Variants in TIAM2 observed in about 807,000 individuals in gnomAD.
TIAM2 encodes the protein TIAM Rac1 associated GEF 2.
In TIAM2, 80 loss-of-function variants were observed where a neutral mutation model predicts 152.9. That is an observed-to-expected ratio of 0.52 (90% CI 0.44 to 0.63). The LOEUF is 0.63. TIAM2 is among the 30% of genes least tolerant of loss of function. The pLI, the probability that TIAM2 is intolerant of heterozygous loss-of-function variation, is 0.00. For missense variants in TIAM2, 1,965 were observed against 2,120.1 expected, an observed-to-expected ratio of 0.93 and a Z score of 1.44; for synonymous variants, 804 against 838.0, an observed-to-expected ratio of 0.96 and a Z score of 0.70.
chr6:155,251,054 A>AC (rs1034037553), intron 22 of TIAM2, 33 bp downstream of exon 22: 4 of 1,589,212 alleles, frequency 2.5e-6, no homozygotes, highest in Middle Eastern at 1.7e-4. Context: ...TGCAGACTGA[A>AC]CAGAGGCTGG....
intron 1 of TIAM2, among the ~76,000 whole-genome samples, chr6:155,057,154 G>A (rs1306004910): frequency 6.7e-6 from 1 of 149,150 alleles, no homozygotes; most frequent in Non-Finnish European, 1.5e-5. Context: ...TCAGCCTCCT[G>A]AGTAGCTGGG....
At chr6:155,084,848 C>T (rs946548175) in intron 1 of TIAM2, among the ~76,000 whole-genome samples, 1 of 152,098 alleles carries the variant, frequency 6.6e-6, no homozygotes, top group Non-Finnish European at 1.5e-5. Context: ...GTTCTTTGTG[C>T]AGGAACAGTG....
chr6:155,252,764 T>C (rs1015054284), intron 23 of TIAM2, among the ~76,000 whole-genome samples, 184 bp from the exon 24 acceptor site: 1 of 152,204 alleles, frequency 6.6e-6, no homozygotes, highest in East Asian at 1.9e-4. Context: ...CCTCCGCACC[T>C]TCCCTAGCAT....
chr6:155,019,937 C>T (rs182951739), intron 1 of TIAM2, among the ~76,000 whole-genome samples: 20 of 152,218 alleles, frequency 1.3e-4, no homozygotes, highest in South Asian at 4.1e-4. Flanking sequence ...CCTGTAGTCC[C>T]GGCTACTTGG....
At chr6:155,209,703 G>T (rs535344232) in intron 14 of TIAM2, among the ~76,000 whole-genome samples, 1 of 152,354 alleles carries the variant, frequency 6.6e-6, no homozygotes, top group South Asian at 2.1e-4. Context: ...TTACCTGGAT[G>T]AGATTAGGGT....
At position 155,074,410 on chromosome 6, in the gene TIAM2, T is replaced by C. The variant is rs532323738; in HGVS notation, c.-208-15879T>C. Among the ~76,000 whole-genome samples the C allele has an allele frequency of 6.6e-5, 10 of 152,268 alleles. No individual in the cohort carries two copies. In the East Asian group the frequency reaches 1.9e-3, roughly 29 times the overall value. ...CTCAGTCGCCCAGGCTGGAATGGCA[T>C]GATCTTGGCTCACTGCAACCTCCAC... is the stretch of plus-strand genomic sequence containing the variant. On this transcript the variant is annotated intron_variant, in intron 1 of 26. Transcript: ENST00000682666.
intron 14 of TIAM2, among the ~76,000 whole-genome samples, chr6:155,194,716 A>G (rs1781294604): frequency 6.6e-6 from 1 of 152,234 alleles, no homozygotes; most frequent in Non-Finnish European, 1.5e-5. Flanking sequence ...GAATATGAGA[A>G]AGAAGAAAAC....
At chr6:155,207,806 C>T (rs773003210) in intron 14 of TIAM2, among the ~76,000 whole-genome samples, 4 of 152,190 alleles carry the variant, frequency 2.6e-5, no homozygotes, top group Admixed American at 6.5e-5. Context: ...TTACCTGAAA[C>T]GAATCTCTTC....
At chr6:155,149,845 C>T (rs1178466472) in intron 7 of TIAM2, among the ~76,000 whole-genome samples, 1 of 151,762 alleles carries the variant, frequency 6.6e-6, no homozygotes, top group Non-Finnish European at 1.5e-5. Flanking sequence ...ATCGCTTGAA[C>T]CTGGGAGGCA....
intron 5 of TIAM2, among the ~76,000 whole-genome samples, chr6:155,141,711 C>T (rs1171436871): frequency 6.6e-6 from 1 of 152,100 alleles, no homozygotes; most frequent in African/African-American, 2.4e-5. Context: ...TCAAAATGTG[C>T]AACAGACTGA....
intron 14 of TIAM2, among the ~76,000 whole-genome samples, chr6:155,194,072 A>T (rs1436523795): frequency 6.6e-6 from 1 of 151,890 alleles, no homozygotes; most frequent in Non-Finnish European, 1.5e-5. Context: ...GGAGCAGAAA[A>T]CTCATGTTCC....
At chr6:155,172,686 ATTTTTTTTTTTT>A (rs113165280) in intron 9 of TIAM2, among the ~76,000 whole-genome samples, 31 of 19,624 alleles carry the variant, frequency 1.6e-3, no homozygotes, top group African/African-American at 4.8e-3. Flanking sequence ...ATATATATAT[ATTTTTTTTTTTT>A]TTTTTTTTTT....
chr6:155,238,812 C>T (rs1782892949), intron 15 of TIAM2, among the ~76,000 whole-genome samples: 1 of 152,202 alleles, frequency 6.6e-6, no homozygotes. Context: ...TGAGTCTTAC[C>T]TCTTTGTGTA....
intron 1 of TIAM2, among the ~76,000 whole-genome samples, chr6:155,012,848 A>G (rs1277092848): frequency 6.6e-6 from 1 of 152,194 alleles, no homozygotes; most frequent in African/African-American, 2.4e-5. Flanking sequence ...ACTATGCCCC[A>G]TCCTCTGATG....
chr6:155,161,879 T>G (rs1780282828), intron 7 of TIAM2, among the ~76,000 whole-genome samples: 2 of 151,588 alleles, frequency 1.3e-5, no homozygotes, highest in African/African-American at 2.4e-5. Context: ...CTCCCGGCCT[T>G]TTTTGTCTTT....
In TIAM2 at chr6:155,156,309, G is replaced by A. The variant is rs1199832081; in HGVS notation, c.2028+7975G>A. Among the ~76,000 whole-genome samples, 3 of 152,046 alleles carry A rather than the reference G, an allele frequency of 2.0e-5. No individual in the cohort carries two copies. Among genetic ancestry groups the A allele is most frequent in the African/African-American group, 4.8e-5 (2 of 41,406 alleles). On this transcript the variant is annotated intron_variant, in intron 7 of 26. Coordinates refer to ENST00000682666, the MANE Select transcript of TIAM2 (RefSeq NM_012454.4). This position sits in a 1 kb window ranked among gnomAD's most constrained non-coding sequence, Gnocchi z 4.4. ...TACCACTGCAGAAGCCTCCGGTTTC[G>A]CCCTTCGTCTGATGCATCTTCCATA... is the stretch of plus-strand genomic sequence containing the variant.
In TIAM2 at chr6:155,172,674, ATATATATATATATTTTTTTTTTTTTTT is replaced by A. The variant is rs1487251028; in HGVS notation, c.2362-4140_2362-4114del. On this transcript the variant is annotated intron_variant, in intron 9 of 26. Coordinates refer to ENST00000682666, the MANE Select transcript of TIAM2 (RefSeq NM_012454.4). The stretch of plus-strand genomic sequence containing the variant: ...TATATATATATATATATATATATAT[ATATATATATATATTTTTTTTTTTTTTT>A]TTTTTTTTTTTCTTTGATGGGAGGA... 1.1e-3 allele frequency among the ~76,000 whole-genome samples: 15 copies of A among 13,270 alleles called. No individual in the cohort carries two copies. In the East Asian group the frequency reaches 0.012, roughly 11 times the overall value. The allele number at this position is 13,270 out of a possible 152,430, so 8.7% of individuals were successfully genotyped here. A position where few individuals can be genotyped will look rare whatever the true frequency, so the allele number is the denominator to read the frequency against.
intron 14 of TIAM2, among the ~76,000 whole-genome samples, chr6:155,190,538 G>C (rs1781171736): frequency 6.6e-6 from 1 of 152,212 alleles, no homozygotes; most frequent in Non-Finnish European, 1.5e-5. Flanking sequence ...GCAGTATGAG[G>C]GTCAGGAGGA....
At chr6:155,061,826 T>A (rs577968865) in intron 1 of TIAM2, among the ~76,000 whole-genome samples, 51 of 152,292 alleles carry the variant, frequency 3.3e-4, no homozygotes, top group African/African-American at 1.2e-3. Flanking sequence ...ATTGATTTTT[T>A]AAAAAAATTT....
Sources: allele counts gnomAD v4.1 joint callset (sites outside exome capture counted in the v4.1 genomes callset), GRCh38; gene constraint gnomAD v4.1.1; non-coding constraint Gnocchi (gnomAD v3.1); transcripts MANE v1.5; gene names NCBI Gene and HGNC (gene_info 2026-07-23, HGNC 2026-07-21).